CYFIP1: variants seen among roughly 807,000 people sequenced by gnomAD.
The protein encoded by CYFIP1 is cytoplasmic FMR1 interacting protein 1.
Under a neutral mutation model 163.5 loss-of-function variants are expected in CYFIP1, and 58 were observed. The ratio of observed to expected loss-of-function variants is 0.35; its 90% CI spans 0.29 to 0.44. The LOEUF is 0.44. Ranked by LOEUF, CYFIP1 falls within the 20% of genes least tolerant of loss-of-function variation. CYFIP1 has a pLI of 1.00. For missense variants in CYFIP1, 1,338 were observed against 1,653.8 expected (o/e 0.81, Z 3.31); for synonymous variants, 663 against 660.7 (o/e 1.00, Z -0.05).
At chr15:22,964,621 C>A (rs1435351609) in intron 1 of CYFIP1, among the ~76,000 whole-genome samples, 1 of 152,116 alleles carries the variant, frequency 6.6e-6, no homozygotes, top group Non-Finnish European at 1.5e-5. Context: ...GCTCCATGTT[C>A]CCTCTGGGAA....
intron 1 of CYFIP1, among the ~76,000 whole-genome samples, chr15:22,962,395 T>C (rs2062712356): frequency 7.5e-6 from 1 of 133,232 alleles, no homozygotes; most frequent in Non-Finnish European, 1.6e-5. Context: ...TATTCTTCTT[T>C]TTTTTCTTTT....
Position 22,874,566 on chromosome 15 carries a change from C to G in CYFIP1, c.3194G>C (p.Arg1065Thr). The G allele has an allele frequency of 1.2e-6, 2 of 1,604,162 alleles. No individual in the cohort carries two copies. Among genetic ancestry groups the G allele is most frequent in the Non-Finnish European group, 8.5e-7 (1 of 1,176,656 alleles). Residue 1065 changes from arginine to threonine, a missense_variant, in exon 28 of 31, where the codon AGA (arginine) becomes ACA (threonine). Physicochemically the swap from Arg to Thr is moderately conservative, Grantham distance 71 (BLOSUM62 -1). This residue lies in a region of CYFIP1 where 306 missense variants were observed against 322.1 expected (regional missense o/e 0.95). Transcript: ENST00000617928. ...ACACGTTACCTGAGGGGTCCCCAGT[C>G]TTTCAATCAGTGGGACAAGATGCAG... ...APLHLVPLIE[R>T]LGTPQQIAIA...
chr15:22,876,063 G>A (rs968572083), intron 26 of CYFIP1, among the ~76,000 whole-genome samples: 1 of 151,476 alleles, frequency 6.6e-6, no homozygotes, highest in Non-Finnish European at 1.5e-5. Flanking sequence ...CCACCCCCAC[G>A]GAGCAGGCAG....
At chr15:22,905,067 C>T (rs1034461884) in intron 21 of CYFIP1, 1 of 152,172 alleles carries the variant, frequency 6.6e-6, no homozygotes, top group African/African-American at 2.4e-5. Flanking sequence ...GGTCTGAGGA[C>T]AATCGGATTT....
At position 22,904,071 on chromosome 15, in the gene CYFIP1, A is replaced by T. The variant is rs1479532640; in HGVS notation, c.2389-166T>A. The T allele has an allele frequency of 4.6e-6, 3 of 647,972 alleles. No homozygotes were observed. In the African/African-American group the frequency reaches 5.5e-5, roughly 12 times the overall value. 40.1% of individuals were successfully genotyped at this position (647,972 alleles called of 1,614,324 possible). The stretch of plus-strand genomic sequence containing the variant: ...AGGTGACATGAGCTTGCTTCTTGGC[A>T]CCCCACCTTTTCAGTCACCCCCACT... On this transcript the variant is annotated intron_variant, in intron 21 of 30. Coordinates refer to ENST00000617928, the MANE Select transcript of CYFIP1 (RefSeq NM_014608.6).
At chr15:22,891,703 G>A (rs141401061) in intron 23 of CYFIP1, among the ~76,000 whole-genome samples, 48 of 152,236 alleles carry the variant, frequency 3.2e-4, no homozygotes, top group Admixed American at 5.9e-4. Context: ...GGTGTTTGCC[G>A]TTTCCCAGGT....
At chr15:22,979,590 C>T in intron 1 of CYFIP1, among the ~76,000 whole-genome samples, 1 of 152,340 alleles carries the variant, frequency 6.6e-6, no homozygotes, top group Admixed American at 6.5e-5. Context: ...CACGTTCCAT[C>T]AACCCCGTTT....
At position 22,867,219 on chromosome 15, in the gene CYFIP1, A is replaced by G. The variant is rs1264048638; in HGVS notation, c.*2809T>C. ...ATCCCCACTCCATCAATCCCTGACC[A>G]TGTAAGGCTTTTTTATTTTAAAAAA... is the stretch of plus-strand genomic sequence containing the variant. On this transcript the variant is annotated 3_prime_UTR_variant, in exon 31 of 31. Coordinates refer to ENST00000617928, the MANE Select transcript of CYFIP1 (RefSeq NM_014608.6). The G allele has an allele frequency of 2.2e-5, 9 of 406,392 alleles. 1 individual carries two copies. Among genetic ancestry groups the G allele is most frequent in the East Asian group, 1.8e-4 (5 of 28,356 alleles). The allele number at this position is 406,392 out of a possible 1,614,324, so 25.2% of individuals were successfully genotyped here. A position where few individuals can be genotyped will look rare whatever the true frequency, so the allele number is the denominator to read the frequency against.
chr15:22,877,122 AG>A (rs1416509258), intron 26 of CYFIP1, among the ~76,000 whole-genome samples: 1 of 152,184 alleles, frequency 6.6e-6, no homozygotes, highest in Non-Finnish European at 1.5e-5. Flanking sequence ...CAGTGTTGGA[AG>A]GTGGTCCGAG....
At chr15:22,932,422 G>A (rs2061568775) in intron 10 of CYFIP1, 82 bp from the exon 11 acceptor site, 1 of 857,490 alleles carries the variant, frequency 1.2e-6, no homozygotes. Context: ...CGCCTGTTTG[G>A]CACCAGAGCC....
At chr15:22,966,324 G>A (rs1276954150) in intron 1 of CYFIP1, among the ~76,000 whole-genome samples, 1 of 148,452 alleles carries the variant, frequency 6.7e-6, no homozygotes, top group Non-Finnish European at 1.5e-5. Context: ...GGTGGGCCCA[G>A]ATCACGCCAC....
At chr15:22,945,743 T>G (rs1335996580) in intron 3 of CYFIP1, among the ~76,000 whole-genome samples, 7 of 133,866 alleles carry the variant, frequency 5.2e-5, no homozygotes, top group Non-Finnish European at 1.2e-4. Context: ...GCCTGGTTAA[T>G]TTTTGTATTT....
In CYFIP1 at chr15:22,910,453, C is replaced by T. The variant is rs371245323; in HGVS notation, c.2268+67G>A. Reference sequence around the variant, plus strand: ...GGGATTACAGGCGTGAGCCACCGCACCCAGCCGAAAACCCAGTCTTTTCAA... The same window carrying T: ...GGGATTACAGGCGTGAGCCACCGCATCCAGCCGAAAACCCAGTCTTTTCAA... On this transcript the variant is annotated intron_variant, in intron 20 of 30. Coordinates refer to ENST00000617928, the MANE Select transcript of CYFIP1 (RefSeq NM_014608.6). 30 of 1,375,246 alleles carry T rather than the reference C, an allele frequency of 2.2e-5. No individual in the cohort carries two copies. The African/African-American group carries it at 2.4e-4, about 11-fold the overall frequency. 85.2% of individuals were successfully genotyped at this position (1,375,246 alleles called of 1,614,324 possible).
Position 22,943,325 on chromosome 15 carries a change from T to C in CYFIP1, c.417A>G (p.Glu139=), listed in dbSNP as rs749388185. ...TCTCGGCATGGCACAGGCGCCTCACTTCCCCGCAGAAACGCTCAATGGCAT... is the reference window on the plus strand; with the variant it reads ...TCTCGGCATGGCACAGGCGCCTCACCTCCCCGCAGAAACGCTCAATGGCAT... ...QRNAIERFCG[E]VRRLCHAERR... Residue 139 remains glutamate, a synonymous_variant, in exon 6 of 31, where the codon GAA becomes GAG. Transcript: ENST00000617928. 6 of 1,614,048 alleles carry C rather than the reference T, an allele frequency of 3.7e-6. No homozygotes were observed. The African/African-American group carries it at 5.3e-5, about 14-fold the overall frequency.
At chr15:22,904,180 G>A (rs2060493749) in intron 21 of CYFIP1, 3 of 519,366 alleles carry the variant, frequency 5.8e-6, no homozygotes, top group Admixed American at 3.2e-5. Context: ...TGCACGTGTG[G>A]CCTGCTACTG....
intron 11 of CYFIP1, among the ~76,000 whole-genome samples, chr15:22,931,431 A>G (rs760525655): frequency 3.3e-5 from 5 of 151,978 alleles, no homozygotes; most frequent in African/African-American, 4.8e-5. Context: ...TCCTGGACAC[A>G]TGGACCCAAT....
At position 22,918,672 on chromosome 15, in the gene CYFIP1, A is replaced by G; in HGVS notation, c.1526+20T>C. On this transcript the variant is annotated intron_variant, in intron 14 of 30. Transcript: ENST00000617928. Reference sequence around the variant, plus strand: ...GAGGACGTGTGGGCACAGCGGGCACAGGGCGTGGGGAAGGCTGACCTCTGG... The same window carrying G: ...GAGGACGTGTGGGCACAGCGGGCACGGGGCGTGGGGAAGGCTGACCTCTGG... 1 of 1,549,870 alleles carries G rather than the reference A, an allele frequency of 6.5e-7. No individual in the cohort carries two copies. The highest frequency in any genetic ancestry group is 1.2e-5 in the South Asian group (1 of 81,896).
rs528020347 is a variant in CYFIP1, at chr15:22,925,020, GT to G, written c.1359+961del. Among the ~76,000 whole-genome samples the G allele has an allele frequency of 1.6e-3, 241 of 152,212 alleles. 2 individuals are homozygous for G. The highest frequency in any genetic ancestry group is 5.7e-3 in the African/African-American group (235 of 41,522). On this transcript the variant is annotated intron_variant, in intron 13 of 30. Transcript: ENST00000617928. ...CCAGGAGGCTGAGGCCAAAACAGTG[GT>G]TTTTAACATTTTTATTACTTTTCAC...
intron 1 of CYFIP1, among the ~76,000 whole-genome samples, chr15:22,964,860 C>T (rs1315247790): frequency 6.6e-6 from 1 of 152,170 alleles, no homozygotes; most frequent in Non-Finnish European, 1.5e-5. Context: ...TGCAGCGACC[C>T]TCATTCTACT....
Sources: allele counts gnomAD v4.1 joint callset (sites outside exome capture counted in the v4.1 genomes callset), GRCh38; gene constraint gnomAD v4.1.1; regional missense constraint gnomAD v4.1.1; transcripts MANE v1.5; gene names NCBI Gene and HGNC (gene_info 2026-07-23, HGNC 2026-07-21).